FMNL2: variants seen among roughly 807,000 people sequenced by gnomAD.
FMNL2 encodes the protein formin-like protein 2.
A neutral mutation model predicts 130.2 loss-of-function variants in FMNL2; 51 were observed. The observed-to-expected ratio is 0.39, with a 90% CI of 0.31 to 0.49. FMNL2 has a LOEUF of 0.49. FMNL2 is among the 20% of genes least tolerant of loss of function. The pLI is 0.85. For missense variants in FMNL2, 977 were observed against 1,316.2 expected, an observed-to-expected ratio of 0.74 and a Z score of 3.99; for synonymous variants, 465 against 467.1, an observed-to-expected ratio of 1.00 and a Z score of 0.06.
intron 1 of FMNL2, among the ~76,000 whole-genome samples, chr2:152,460,898 T>G (rs1689198658): frequency 6.6e-6 from 1 of 152,224 alleles, no homozygotes; most frequent in Admixed American, 6.5e-5. Context: ...TATAATTATT[T>G]CGTTATATAT....
At chr2:152,641,364 C>CAGGGTT (rs1227914987) in intron 25 of FMNL2, among the ~76,000 whole-genome samples, 3 of 152,210 alleles carry the variant, frequency 2.0e-5, no homozygotes, top group African/African-American at 7.2e-5. Flanking sequence ...GCTTCCAGCC[C>CAGGGTT]AGGGTTGGGA....
At chr2:152,633,829 A>G (rs1320671892) in intron 21 of FMNL2, among the ~76,000 whole-genome samples, 1 of 152,244 alleles carries the variant, frequency 6.6e-6, no homozygotes, top group Non-Finnish European at 1.5e-5. Context: ...TTTGAAAAAC[A>G]TCGGTGGGGA....
At chr2:152,360,301 C>T (rs1414211122) in intron 1 of FMNL2, among the ~76,000 whole-genome samples, 2 of 151,542 alleles carry the variant, frequency 1.3e-5, no homozygotes, top group East Asian at 1.9e-4. Context: ...TTCTTTTTTC[C>T]TCTCTTTTTC....
chr2:152,442,707 C>T (rs1688117491), intron 1 of FMNL2, among the ~76,000 whole-genome samples: 1 of 152,170 alleles, frequency 6.6e-6, no homozygotes, highest in South Asian at 2.1e-4. Flanking sequence ...AAGATATCTA[C>T]AAATTTGACC....
At chr2:152,615,097 G>A in intron 12 of FMNL2, 97 bp downstream of exon 12, 1 of 1,403,696 alleles carries the variant, frequency 7.1e-7, no homozygotes, top group Non-Finnish European at 9.9e-7. Flanking sequence ...TAAGGATTTG[G>A]AGTATAGGAA....
intron 1 of FMNL2, among the ~76,000 whole-genome samples, chr2:152,511,972 T>C (rs972646904): frequency 2.6e-5 from 4 of 152,186 alleles, no homozygotes; most frequent in Non-Finnish European, 4.4e-5. Context: ...ACATAGAAAG[T>C]TGACATTCAA....
chr2:152,413,796 G>A (rs1056723152), intron 1 of FMNL2, among the ~76,000 whole-genome samples: 1 of 152,192 alleles, frequency 6.6e-6, no homozygotes, highest in Non-Finnish European at 1.5e-5. Flanking sequence ...AACACTGCAT[G>A]GAGGCAAACA....
rs745993200 is a variant in FMNL2 at position 152,428,773 on chromosome 2, A to G, written c.117+93053A>G. 7.2e-5 allele frequency among the ~76,000 whole-genome samples: 11 copies of G among 152,336 alleles called. No homozygotes were observed. In the East Asian group the frequency reaches 1.3e-3, roughly 19 times the overall value. On this transcript the variant is annotated intron_variant, in intron 1 of 25. Transcript: ENST00000288670. ...GTGATGTGGCTATTGGTCATAAGTC[A>G]TTAGTGACTTTGGATAGAGATAGTT...
At chr2:152,396,037 A>G (rs1014949134) in intron 1 of FMNL2, among the ~76,000 whole-genome samples, 1 of 152,206 alleles carries the variant, frequency 6.6e-6, no homozygotes, top group African/African-American at 2.4e-5. Flanking sequence ...ATAGAGAGTG[A>G]ATGGGATTCT....
rs146084162 is a variant in FMNL2, at chr2:152,385,690, G to T, written c.117+49970G>T. Among the ~76,000 whole-genome samples the T allele has an allele frequency of 7.6e-4, 116 of 152,320 alleles. 1 individual carries two copies. The highest frequency in any genetic ancestry group is 2.7e-3 in the African/African-American group (113 of 41,574). On this transcript the variant is annotated intron_variant, in intron 1 of 25. Transcript: ENST00000288670. ...ACTGATTTGGTCTCTGCAGAAGTTT[G>T]CCATAGAAATCTGTCAGTGTGTACT...
intron 1 of FMNL2, among the ~76,000 whole-genome samples, chr2:152,409,133 C>T (rs1686152276): frequency 6.6e-6 from 1 of 152,124 alleles, no homozygotes; most frequent in Non-Finnish European, 1.5e-5. Context: ...TTCCTCACCC[C>T]ATATTTCATT....
intron 1 of FMNL2, among the ~76,000 whole-genome samples, chr2:152,464,186 C>T (rs1337972054): frequency 6.6e-6 from 1 of 152,150 alleles, no homozygotes; most frequent in Non-Finnish European, 1.5e-5. Flanking sequence ...TCAGGTGATC[C>T]GCCGACCTTG....
chr2:152,466,528 A>T (rs1218597870), intron 1 of FMNL2, among the ~76,000 whole-genome samples: 1 of 152,184 alleles, frequency 6.6e-6, no homozygotes, highest in Non-Finnish European at 1.5e-5. Context: ...AATGTGGGCC[A>T]CTTTGGATTT....
intron 15 of FMNL2, among the ~76,000 whole-genome samples, chr2:152,621,440 C>T (rs899896660): frequency 1.3e-5 from 2 of 152,162 alleles, no homozygotes; most frequent in African/African-American, 4.8e-5. Context: ...TGTGTTGGCT[C>T]TGTCAATTGC....
intron 9 of FMNL2, among the ~76,000 whole-genome samples, chr2:152,593,860 A>AGTGTGTGTGTGTGTGTGT (rs70974873): frequency 8.8e-6 from 1 of 113,294 alleles, no homozygotes; most frequent in Admixed American, 1.1e-4. Context: ...AGAGAGAGAG[A>AGTGTGTGTGTGTGTGTGT]GTGTGTGTGT....
intron 1 of FMNL2, among the ~76,000 whole-genome samples, chr2:152,424,962 G>A (rs544397663): frequency 3.3e-5 from 5 of 152,284 alleles, no homozygotes; most frequent in African/African-American, 4.8e-5. Flanking sequence ...ATACAAGGGC[G>A]CTGAGTTTGT....
In FMNL2 at chr2:152,648,193, T is replaced by C. The variant is rs896865716; in HGVS notation, c.*288T>C. The C allele has an allele frequency of 2.8e-5, 9 of 325,070 alleles. No homozygotes were observed. The highest frequency in any genetic ancestry group is 9.0e-5 in the Admixed American group (2 of 22,158). The allele number at this position is 325,070 out of a possible 1,614,324, so 20.1% of individuals were successfully genotyped here. On this transcript the variant is annotated 3_prime_UTR_variant, in exon 26 of 26. Coordinates refer to ENST00000288670, the MANE Select transcript of FMNL2 (RefSeq NM_052905.4). ...TTTTAACCAAAATGTAAAGTTCTTA[T>C]TAAACTCATTACCTGCCATTGTGAT...
At chr2:152,498,154 T>TC (rs932861986) in intron 1 of FMNL2, among the ~76,000 whole-genome samples, 5 of 152,166 alleles carry the variant, frequency 3.3e-5, no homozygotes, top group Admixed American at 6.5e-5. Context: ...TCATAACCTA[T>TC]CTACAGTTAG....
chr2:152,467,468 C>A (rs1050675194), intron 1 of FMNL2, among the ~76,000 whole-genome samples: 2 of 152,200 alleles, frequency 1.3e-5, no homozygotes, highest in African/African-American at 2.4e-5. Flanking sequence ...CTTCTTCCCT[C>A]GGCCCCTGTT....
Sources: allele counts gnomAD v4.1 joint callset (sites outside exome capture counted in the v4.1 genomes callset), GRCh38; gene constraint gnomAD v4.1.1; transcripts MANE v1.5; gene names NCBI Gene and HGNC (gene_info 2026-07-23, HGNC 2026-07-21).